Variants in NIPSNAP3B observed in about 807,000 individuals in gnomAD.
NIPSNAP3B encodes protein NipSnap homolog 3B.
Under a neutral mutation model 31.5 loss-of-function variants are expected in NIPSNAP3B, and 30 were observed. That is an observed-to-expected ratio of 0.95 (90% CI 0.71 to 1.29). The LOEUF is 1.29. Ranked by LOEUF, NIPSNAP3B falls within the 50% of genes most tolerant of loss-of-function variation. The pLI is 0.00. For missense variants in NIPSNAP3B, 269 were observed against 300.7 expected (o/e 0.89, Z 0.78); for synonymous variants, 106 against 107.9 (o/e 0.98, Z 0.11).
rs1828296712 is a variant in NIPSNAP3B, at chr9:104,774,731, A to C, written c.*1658A>C. 6.6e-6 allele frequency among the ~76,000 whole-genome samples: 1 copy of C among 152,194 alleles called. No individual in the cohort carries two copies. Among genetic ancestry groups the C allele is most frequent in the South Asian group, 2.1e-4 (1 of 4,824 alleles). Reference sequence around the variant, plus strand: ...CTTCATACTTAGCTCCAAGTAGATTATGACTTTTCCTAAAACTTAACATGA... The same window carrying C: ...CTTCATACTTAGCTCCAAGTAGATTCTGACTTTTCCTAAAACTTAACATGA... On this transcript the variant is annotated 3_prime_UTR_variant, in exon 6 of 6. Transcript: ENST00000374762.
At chr9:104,779,621 G>GTT (rs11432680), downstream of NIPSNAP3B, among the ~76,000 whole-genome samples, 20,696 of 147,010 alleles carry the variant, frequency 0.14, 1,663 homozygotes, top group South Asian at 0.22. Context: ...AGCTAAGTGG[G>GTT]TTTTTTTTTT....
chr9:104,768,715 CA>C (rs1175474632), intron 2 of NIPSNAP3B, 147 bp from the exon 3 acceptor site: 1 of 589,676 alleles, frequency 1.7e-6, no homozygotes, highest in East Asian at 3.0e-5. Flanking sequence ...GAGCAGTTGT[CA>C]CATATATTTA....
chr9:104,780,598 T>C (rs529211243), downstream of NIPSNAP3B, among the ~76,000 whole-genome samples: 20 of 152,236 alleles, frequency 1.3e-4, 1 homozygote, highest in South Asian at 4.2e-3. Context: ...CCCAGCACCT[T>C]CCCAGTATAA....
the NIPSNAP3B span, chr9:104,788,320 A>G: frequency 3.3e-6 from 5 of 1,509,754 alleles, no homozygotes; most frequent in South Asian, 4.5e-5. Flanking sequence ...GTGCTGCTGC[A>G]TTCATGAGGA....
chr9:104,780,764 GAATA>G (rs1483839328), downstream of NIPSNAP3B, among the ~76,000 whole-genome samples: 4 of 152,172 alleles, frequency 2.6e-5, no homozygotes, highest in African/African-American at 9.7e-5. Flanking sequence ...TCATTAAGCA[GAATA>G]TTTATCTAAA....
At chr9:104,785,545 T>C in the NIPSNAP3B span, 1 of 1,550,568 alleles carries the variant, frequency 6.4e-7, no homozygotes. Context: ...TTTAGAACAC[T>C]TCCAGGAAAT....
the NIPSNAP3B span, chr9:104,788,438 T>G: frequency 1.2e-5 from 19 of 1,614,176 alleles, no homozygotes; most frequent in South Asian, 2.1e-4. Flanking sequence ...TGCCAACTTC[T>G]TTCTCTGGGA....
At chr9:104,781,095 T>C (rs10991377), downstream of NIPSNAP3B, 4,281 of 152,752 alleles carry the variant, frequency 0.028, 94 homozygotes, top group Non-Finnish European at 0.042. Context: ...TATAAAGTTA[T>C]TGACATACAA....
At chr9:104,789,180 C>T in the NIPSNAP3B span, among the ~76,000 whole-genome samples, 3 of 152,200 alleles carry the variant, frequency 2.0e-5, no homozygotes, top group East Asian at 1.9e-4. Flanking sequence ...CTAATTAGCA[C>T]CCCCAGGGTC....
Position 104,764,173 on chromosome 9 carries a change from C to T in NIPSNAP3B, c.-68C>T. On this transcript the variant is annotated 5_prime_UTR_variant, in exon 1 of 6. Coordinates refer to ENST00000374762, the MANE Select transcript of NIPSNAP3B (RefSeq NM_018376.4). ...GGTCCAGGAGCCGCTTTTTTCCACT[C>T]GGGAAGACTTCAGAGAAGTCTCACA... 1 of 1,454,408 alleles carries T rather than the reference C, an allele frequency of 6.9e-7. No individual in the cohort carries two copies. The allele number at this position is 1,454,408 out of a possible 1,614,324, so 90.1% of individuals were successfully genotyped here.
chr9:104,766,501 C>G lies in NIPSNAP3B; in HGVS notation c.237C>G (p.Gly79=). 6.2e-7 allele frequency: 1 copy of G among 1,613,554 alleles called. No homozygotes were observed. The highest frequency in any genetic ancestry group is 8.5e-7 in the Non-Finnish European group (1 of 1,179,656). The part of the protein sequence containing the change: ...LVGFWSVEFG[G]RTNKVFHIWK... ...GATTCTGGAGTGTAGAATTTGGAGG[C>G]AGAACGAATAAAGTGTTTCATATTT... Residue 79 remains glycine (G), a synonymous_variant, in exon 2 of 6, where the codon GGC becomes GGG. Coordinates refer to ENST00000374762, the MANE Select transcript of NIPSNAP3B (RefSeq NM_018376.4).
intron 3 of NIPSNAP3B, among the ~76,000 whole-genome samples, chr9:104,770,537 A>C (rs1325455784): frequency 6.6e-6 from 1 of 152,052 alleles, no homozygotes; most frequent in Non-Finnish European, 1.5e-5. Context: ...ATACATTCTC[A>C]GTATCTGTTT....
At chr9:104,782,591 C>T (rs1273337303), downstream of NIPSNAP3B, 1 of 152,060 alleles carries the variant, frequency 6.6e-6, no homozygotes, top group African/African-American at 2.4e-5. Flanking sequence ...TTAGAAAACT[C>T]TGAAAAATGC....
chr9:104,784,905 A>G, the NIPSNAP3B span, among the ~76,000 whole-genome samples: 13 of 152,070 alleles, frequency 8.5e-5, no homozygotes, highest in Admixed American at 8.5e-4. Flanking sequence ...CAGCCTCCCA[A>G]AGTGCTGGGA....
At chr9:104,787,880 C>T in the NIPSNAP3B span, 1 of 1,613,784 alleles carries the variant, frequency 6.2e-7, no homozygotes, top group African/African-American at 1.3e-5. Flanking sequence ...GTTTTCCACT[C>T]AGGCCAGAAC....
At position 104,773,557 on chromosome 9, in the gene NIPSNAP3B, GTTTA is replaced by G. The variant is rs1828271275; in HGVS notation, c.*488_*491del. Reference sequence around the variant, plus strand: ...ATGGGATTTATAAAAATATTAGATTGTTTATTTCTTTACTGTGGAAAAGTACAAT... The same window carrying G: ...ATGGGATTTATAAAAATATTAGATTGTTTCTTTACTGTGGAAAAGTACAAT... On this transcript the variant is annotated 3_prime_UTR_variant, in exon 6 of 6. Coordinates refer to ENST00000374762, the MANE Select transcript of NIPSNAP3B (RefSeq NM_018376.4). 6.6e-6 allele frequency: 1 copy of G among 152,520 alleles called. No homozygotes were observed. The highest frequency in any genetic ancestry group is 2.1e-4 in the South Asian group (1 of 4,854). 9.4% of individuals were successfully genotyped at this position (152,520 alleles called of 1,614,324 possible).
chr9:104,786,934 A>G, the NIPSNAP3B span: 2 of 1,614,070 alleles, frequency 1.2e-6, no homozygotes, highest in Non-Finnish European at 1.7e-6. Context: ...CAATTCCACA[A>G]GAACCGCCGG....
In NIPSNAP3B at chr9:104,768,968, C is replaced by G. The variant is rs763630473; in HGVS notation, c.377C>G (p.Thr126Arg). The G allele has an allele frequency of 1.2e-6, 2 of 1,613,668 alleles. No homozygotes were observed. Among genetic ancestry groups the G allele is most frequent in the Non-Finnish European group, 1.7e-6 (2 of 1,179,762 alleles). Residue 126 changes from threonine (T) to arginine (R), a missense_variant, in exon 3 of 6, where the codon ACG (threonine) becomes AGG (arginine). Thr to Arg is a moderately conservative substitution (Grantham distance 71). Coordinates refer to ENST00000374762, the MANE Select transcript of NIPSNAP3B (RefSeq NM_018376.4). ...PNLARIDKQE[T>R]EITYLIPWSK... ...TTGGCTCGCATTGATAAACAAGAGA[C>G]GGAAATTACTTACCTGATACCATGG...
In NIPSNAP3B at chr9:104,773,197, G is replaced by T. The variant is rs1828263792; in HGVS notation, c.*124G>T. 2 of 919,206 alleles carry T rather than the reference G, an allele frequency of 2.2e-6. No homozygotes were observed. Among genetic ancestry groups the T allele is most frequent in the South Asian group, 3.3e-5 (2 of 61,456 alleles). 56.9% of individuals were successfully genotyped at this position (919,206 alleles called of 1,614,324 possible). ...AGGTGGTAAGTTAATTAGTTAATTT[G>T]CTGTGCTTCTTGCATTTTTGAAAGT... On this transcript the variant is annotated 3_prime_UTR_variant, in exon 6 of 6. Transcript: ENST00000374762.
Sources: allele counts gnomAD v4.1 joint callset (sites outside exome capture counted in the v4.1 genomes callset), GRCh38; gene constraint gnomAD v4.1.1; transcripts MANE v1.5; gene names NCBI Gene and HGNC (gene_info 2026-07-23, HGNC 2026-07-21).